ERBB4: variants seen among roughly 807,000 people sequenced by gnomAD.
ERBB4 encodes erb-b2 receptor tyrosine kinase 4, also known as receptor tyrosine-protein kinase erbB-4.
In ERBB4, 42 loss-of-function variants were observed where a neutral mutation model predicts 158.0. That is an observed-to-expected ratio of 0.27 (90% CI 0.21 to 0.34). ERBB4 has a LOEUF of 0.34. Ranked by LOEUF, ERBB4 falls within the 10% of genes least tolerant of loss-of-function variation. The probability of loss-of-function intolerance (pLI) is 1.00; values close to 1 mark genes in which losing one functional copy is unlikely to be tolerated. For synonymous variants in ERBB4, 583 were observed against 558.7 expected (o/e 1.04, Z -0.61); for missense variants, 1,333 against 1,624.1 (o/e 0.82, Z 3.08).
At chr2:211,838,946 A>C (rs1476675812) in intron 3 of ERBB4, among the ~76,000 whole-genome samples, 1 of 152,132 alleles carries the variant, frequency 6.6e-6, no homozygotes, top group Non-Finnish European at 1.5e-5. Context: ...GCTTACAGCA[A>C]GAAAAAAGAA....
intron 4 of ERBB4, among the ~76,000 whole-genome samples, chr2:211,762,826 G>T (rs542160573): frequency 1.2e-4 from 19 of 152,264 alleles, no homozygotes; most frequent in African/African-American, 4.3e-4. Context: ...CTCTCATTCA[G>T]CAAAACCCCA....
chr2:211,888,241 A>C (rs2078855403), intron 3 of ERBB4, among the ~76,000 whole-genome samples: 1 of 152,206 alleles, frequency 6.6e-6, no homozygotes, highest in African/African-American at 2.4e-5. Context: ...ATTTATTAGC[A>C]TAGAACACAG....
At chr2:211,512,812 C>A (rs1285636703) in intron 20 of ERBB4, among the ~76,000 whole-genome samples, 1 of 152,140 alleles carries the variant, frequency 6.6e-6, no homozygotes, top group Non-Finnish European at 1.5e-5. Flanking sequence ...AAGTACCTGA[C>A]CCATCTCTGC....
At chr2:212,231,148 A>T (rs1302869604) in intron 1 of ERBB4, among the ~76,000 whole-genome samples, 1 of 152,244 alleles carries the variant, frequency 6.6e-6, no homozygotes, top group Middle Eastern at 3.4e-3. Flanking sequence ...TGTTTCAGAA[A>T]TTTTTTCAAG....
intron 1 of ERBB4, among the ~76,000 whole-genome samples, chr2:212,408,903 TCAG>T (rs1375713149): frequency 6.6e-6 from 1 of 152,182 alleles, no homozygotes; most frequent in Non-Finnish European, 1.5e-5. Flanking sequence ...TTTCAAGTGA[TCAG>T]CAGCAGCAAT....
intron 1 of ERBB4, among the ~76,000 whole-genome samples, chr2:212,421,754 C>T (rs1222040420): frequency 1.3e-5 from 2 of 152,146 alleles, no homozygotes; most frequent in Non-Finnish European, 2.9e-5. Flanking sequence ...GTAGGGTTCT[C>T]TGTTTGAAAA....
chr2:211,484,102 G>A (rs1183088099), intron 20 of ERBB4, among the ~76,000 whole-genome samples: 1 of 152,056 alleles, frequency 6.6e-6, no homozygotes, highest in African/African-American at 2.4e-5. Context: ...ACCACTTAAA[G>A]ATAGACTGAT....
intron 1 of ERBB4, among the ~76,000 whole-genome samples, chr2:212,321,681 T>G (rs2087574117): frequency 6.6e-6 from 1 of 150,556 alleles, no homozygotes; most frequent in African/African-American, 2.4e-5. Flanking sequence ...AGAGCAAGAT[T>G]CTTTCTCAAA....
intron 1 of ERBB4, among the ~76,000 whole-genome samples, chr2:212,377,278 C>T (rs2090356768): frequency 6.7e-6 from 1 of 148,628 alleles, no homozygotes; most frequent in African/African-American, 2.5e-5. Context: ...AATAAATATA[C>T]ATATGTATAT....
At chr2:212,058,288 G>A (rs540258204) in intron 2 of ERBB4, among the ~76,000 whole-genome samples, 21 of 152,288 alleles carry the variant, frequency 1.4e-4, no homozygotes, top group African/African-American at 4.8e-4. Context: ...TGAAATTGTG[G>A]CAACAGTTAA....
At chr2:212,374,049 T>TATATATATCC (rs1222740261) in intron 1 of ERBB4, among the ~76,000 whole-genome samples, 11 of 121,668 alleles carry the variant, frequency 9.0e-5, no homozygotes, top group Non-Finnish European at 1.1e-4. Flanking sequence ...TATATCCATA[T>TATATATATCC]ATATATATCC....
chr2:211,426,904 A>C (rs2063640537), intron 22 of ERBB4, among the ~76,000 whole-genome samples: 1 of 151,976 alleles, frequency 6.6e-6, no homozygotes. Flanking sequence ...TCTGTATCAT[A>C]TAATATATAA....
intron 6 of ERBB4, among the ~76,000 whole-genome samples, chr2:211,724,535 T>C (rs1175123836): frequency 6.6e-6 from 1 of 152,066 alleles, no homozygotes; most frequent in Non-Finnish European, 1.5e-5. Flanking sequence ...ATTGCTGACA[T>C]GTATGCCAAA....
At chr2:212,078,828 G>A (rs2078349075) in intron 2 of ERBB4, among the ~76,000 whole-genome samples, 1 of 150,822 alleles carries the variant, frequency 6.6e-6, no homozygotes, top group East Asian at 1.9e-4. Flanking sequence ...ATTACTAATA[G>A]TTTATAACAC....
chr2:211,591,901 A>G (rs1436687511), intron 19 of ERBB4, among the ~76,000 whole-genome samples: 2 of 151,214 alleles, frequency 1.3e-5, no homozygotes, highest in Non-Finnish European at 2.9e-5. Context: ...TACAATACCT[A>G]CCTTGTTGAG....
intron 20 of ERBB4, among the ~76,000 whole-genome samples, chr2:211,511,040 A>T (rs1421984315): frequency 6.6e-6 from 1 of 152,036 alleles, no homozygotes; most frequent in Non-Finnish European, 1.5e-5. Flanking sequence ...ACAACAACCA[A>T]AAAAACAGAG....
chr2:212,106,161 C>G (rs1001763600), intron 2 of ERBB4, among the ~76,000 whole-genome samples: 6 of 152,070 alleles, frequency 3.9e-5, no homozygotes, highest in African/African-American at 1.2e-4. Context: ...CAGATTGGAA[C>G]AGTTTGGAGG....
At chr2:211,566,187 G>C (rs1380370733) in intron 19 of ERBB4, among the ~76,000 whole-genome samples, 1 of 152,148 alleles carries the variant, frequency 6.6e-6, no homozygotes. Flanking sequence ...GACCAGAACT[G>C]GTAGGAAAGA....
chr2:212,078,315 A>T (rs1032237106), intron 2 of ERBB4, among the ~76,000 whole-genome samples: 2 of 151,902 alleles, frequency 1.3e-5, no homozygotes, highest in African/African-American at 2.4e-5. Context: ...TTTTAGTTTC[A>T]GAGACTTTAC....
Sources: allele counts gnomAD v4.1 joint callset (sites outside exome capture counted in the v4.1 genomes callset), GRCh38; gene constraint gnomAD v4.1.1; transcripts MANE v1.5; gene names NCBI Gene and HGNC (gene_info 2026-07-23, HGNC 2026-07-21).